LRRC20: variants seen among roughly 807,000 people sequenced by gnomAD.
LRRC20 encodes leucine-rich repeat-containing protein 20.
A neutral mutation model predicts 14.4 loss-of-function variants in LRRC20; 11 were observed. The observed-to-expected ratio is 0.77, with a 90% CI of 0.48 to 1.27. LRRC20 has a LOEUF of 1.27. Among genes scored for constraint, LRRC20 ranks in the 50% most tolerant of loss-of-function variants. The pLI is 0.00. For missense variants in LRRC20, 219 were observed against 251.2 expected (o/e 0.87, Z 0.87); for synonymous variants, 121 against 107.3 (o/e 1.13, Z -0.79).
chr10:70,370,798 T>A (rs1023103625), intron 2 of LRRC20, among the ~76,000 whole-genome samples: 2 of 146,636 alleles, frequency 1.4e-5, no homozygotes, highest in Non-Finnish European at 3.0e-5. Flanking sequence ...GACAAGAGGA[T>A]AGCTTGAGGC....
intron 2 of LRRC20, among the ~76,000 whole-genome samples, chr10:70,354,924 G>A (rs995174183): frequency 1.3e-5 from 2 of 152,104 alleles, no homozygotes; most frequent in African/African-American, 4.8e-5. Context: ...TCAGCCAGGG[G>A]GAGCTCAGAG....
chr10:70,321,417 T>C (rs1239853947), intron 4 of LRRC20, among the ~76,000 whole-genome samples: 5 of 152,196 alleles, frequency 3.3e-5, no homozygotes, highest in African/African-American at 1.2e-4. Flanking sequence ...CCTGCTGGTT[T>C]GGGAGTTGAG....
At position 70,312,642 on chromosome 10, in the gene LRRC20, T is replaced by C. The variant is rs184983207; in HGVS notation, c.401-11134A>G. On this transcript the variant is annotated intron_variant, in intron 4 of 4. Coordinates refer to ENST00000446961, the MANE Select transcript of LRRC20 (RefSeq NM_001278212.2). Reference sequence around the variant, plus strand: ...AGTCTCCTGCTGACGATGGGCCATTTGGCAGGGTGAACAGGGCCAGGGACA... The same window carrying C: ...AGTCTCCTGCTGACGATGGGCCATTCGGCAGGGTGAACAGGGCCAGGGACA... Among the ~76,000 whole-genome samples the C allele has an allele frequency of 2.5e-3, 382 of 152,336 alleles. 5 individuals are homozygous for C. Among genetic ancestry groups the C allele is most frequent in the Admixed American group, 8.7e-3 (133 of 15,308 alleles).
rs141709415 is a variant in LRRC20, at chr10:70,369,401, C to T, written c.82+7051G>A. On this transcript the variant is annotated intron_variant, in intron 2 of 4. Coordinates refer to ENST00000446961, the MANE Select transcript of LRRC20 (RefSeq NM_001278212.2). ...AGCTGTGTCACCAGCAGGTCACCTA[C>T]ACTCAGCCTAGCTCCAGCAGCTATA... Among the ~76,000 whole-genome samples, 107 of 152,322 alleles carry T rather than the reference C, an allele frequency of 7.0e-4. No individual in the cohort carries two copies. The Middle Eastern group carries it at 0.01, about 15-fold the overall frequency.
intron 2 of LRRC20, among the ~76,000 whole-genome samples, chr10:70,375,315 G>T (rs1844464677): frequency 6.6e-6 from 1 of 152,200 alleles, no homozygotes; most frequent in Non-Finnish European, 1.5e-5. Context: ...GGCAGGGCAG[G>T]GGGAAGCAAA....
At chr10:70,356,122 T>C (rs1407029435) in intron 2 of LRRC20, among the ~76,000 whole-genome samples, 1 of 152,222 alleles carries the variant, frequency 6.6e-6, no homozygotes, top group African/African-American at 2.4e-5. Flanking sequence ...AATCCTTTCT[T>C]GGGCCAACTC....
intron 4 of LRRC20, among the ~76,000 whole-genome samples, chr10:70,314,653 T>C (rs1225421470): frequency 2.6e-5 from 4 of 151,950 alleles, no homozygotes; most frequent in African/African-American, 9.7e-5. Context: ...GCCTGCCCAA[T>C]GATTTGAATG....
chr10:70,317,161 C>G (rs1182475011), intron 4 of LRRC20, among the ~76,000 whole-genome samples: 1 of 152,164 alleles, frequency 6.6e-6, no homozygotes, highest in Non-Finnish European at 1.5e-5. Flanking sequence ...TGTGCCAGCC[C>G]AGAGGGTCCC....
intron 2 of LRRC20, among the ~76,000 whole-genome samples, 157 bp downstream of exon 2, chr10:70,376,295 A>C (rs779658919): frequency 2.0e-5 from 3 of 152,250 alleles, no homozygotes; most frequent in Non-Finnish European, 2.9e-5. Flanking sequence ...GAAATGTCTT[A>C]CACAAATTAC....
At chr10:70,303,401 G>A (rs1841290771) in intron 4 of LRRC20, among the ~76,000 whole-genome samples, 1 of 152,092 alleles carries the variant, frequency 6.6e-6, no homozygotes. Context: ...CTATATCACT[G>A]CTCCATAAGA....
intron 2 of LRRC20, among the ~76,000 whole-genome samples, chr10:70,367,239 G>A (rs1029291330): frequency 1.3e-5 from 2 of 149,764 alleles, no homozygotes; most frequent in South Asian, 2.1e-4. Flanking sequence ...GTGGGAGGAC[G>A]CTTGAGCCCA....
chr10:70,306,819 T>C (rs995304952), intron 4 of LRRC20, among the ~76,000 whole-genome samples: 6 of 152,230 alleles, frequency 3.9e-5, no homozygotes, highest in African/African-American at 1.4e-4. Flanking sequence ...ATCTTTATGA[T>C]GGCTGCAAAA....
At chr10:70,316,653 GCTTC>G (rs1841871489) in intron 4 of LRRC20, among the ~76,000 whole-genome samples, 6 of 152,248 alleles carry the variant, frequency 3.9e-5, no homozygotes, top group Admixed American at 3.9e-4. Context: ...GCAAACAGGA[GCTTC>G]CTGCACCCTC....
chr10:70,326,258 G>GTGAAA (rs1166210732), intron 3 of LRRC20, among the ~76,000 whole-genome samples: 2 of 149,932 alleles, frequency 1.3e-5, no homozygotes, highest in Non-Finnish European at 3.0e-5. Context: ...TATCCCTACA[G>GTGAAA]TGAAAACTGA....
rs113996417 is a variant in LRRC20 at position 70,323,045 on chromosome 10, T to A, written c.400+818A>T. ...GGGCTTAAGAAAATGAAAGCATGAC[T>A]GAAGGGGGTTATTATGAACATCATT... is the stretch of plus-strand genomic sequence containing the variant. On this transcript the variant is annotated intron_variant, in intron 4 of 4. Coordinates refer to ENST00000446961, the MANE Select transcript of LRRC20 (RefSeq NM_001278212.2). Among the ~76,000 whole-genome samples, 1,439 of 152,070 alleles carry A rather than the reference T, an allele frequency of 9.5e-3. 20 individuals carry two copies. Among genetic ancestry groups the A allele is most frequent in the African/African-American group, 0.033 (1,367 of 41,508 alleles).
chr10:70,359,765 T>C (rs1171979324), intron 2 of LRRC20, among the ~76,000 whole-genome samples: 2 of 152,226 alleles, frequency 1.3e-5, no homozygotes, highest in African/African-American at 4.8e-5. Context: ...TTAAGTAGAA[T>C]GTTCTCCCTT....
intron 3 of LRRC20, among the ~76,000 whole-genome samples, chr10:70,327,660 C>T (rs927482361): frequency 1.4e-4 from 21 of 152,048 alleles, no homozygotes; most frequent in African/African-American, 4.8e-4. Context: ...GGCACTTGTT[C>T]TGGGGATTTA....
At chr10:70,322,570 G>A (rs764019371) in intron 4 of LRRC20, among the ~76,000 whole-genome samples, 135 of 152,252 alleles carry the variant, frequency 8.9e-4, no homozygotes, top group Middle Eastern at 3.4e-3. Flanking sequence ...AATACTCAGA[G>A]GCCCCAGTGA....
intron 4 of LRRC20, among the ~76,000 whole-genome samples, chr10:70,302,039 C>CGTGGT (rs1367413634): frequency 6.6e-6 from 1 of 152,154 alleles, no homozygotes; most frequent in Non-Finnish European, 1.5e-5. Flanking sequence ...CTAGGCCAGT[C>CGTGGT]GTGGTGGCTC....
Sources: gnomAD v4.1 joint callset for allele counts (sites outside exome capture counted in the v4.1 genomes callset) on GRCh38, gnomAD v4.1.1 for gene constraint, MANE v1.5 for transcripts, NCBI Gene and HGNC (gene_info 2026-07-23, HGNC 2026-07-21) for gene names.